Variants in ZNF280A observed in about 807,000 individuals in gnomAD.
ZNF280A encodes the protein zinc finger protein 280A.
In ZNF280A, 26 loss-of-function variants were observed where a neutral mutation model predicts 35.9. The ratio of observed to expected loss-of-function variants is 0.72; its 90% CI spans 0.53 to 1.01. ZNF280A has a LOEUF of 1.01. ZNF280A is among the 50% of genes least tolerant of loss of function. The probability of loss-of-function intolerance (pLI) is 0.00; values close to 1 mark genes in which losing one functional copy is unlikely to be tolerated. For missense variants in ZNF280A, 654 were observed against 652.0 expected, an observed-to-expected ratio of 1.00 and a Z score of -0.03; for synonymous variants, 231 against 232.9, an observed-to-expected ratio of 0.99 and a Z score of 0.07.
intron 1 of ZNF280A, among the ~76,000 whole-genome samples, chr22:22,518,652 G>A (rs1042916632): frequency 1.3e-5 from 2 of 151,590 alleles, no homozygotes; most frequent in African/African-American, 4.8e-5. Context: ...GCCAGGCATG[G>A]TAGCAGATGC....
chr22:22,515,076 A>G lies in ZNF280A; in HGVS notation c.555T>C (p.Asp185=). The G allele has an allele frequency of 1.9e-6, 3 of 1,613,922 alleles. No individual in the cohort carries two copies. The highest frequency in any genetic ancestry group is 1.7e-5 in the Admixed American group (1 of 60,002). The stretch of plus-strand genomic sequence containing the variant: ...CTAAAGAAGGTACCCCTGGGATTCC[A>G]TCCCTGAGTTTAACCCTTTTGGAAT... ...SRDSKRVKLR[D]GIPGVPSLAV... Residue 185 remains aspartate (D), a synonymous_variant, in exon 2 of 2, where the codon GAT becomes GAC. Transcript: ENST00000302097.
In ZNF280A at chr22:22,514,268, TG is replaced by T. The variant is rs567384587; in HGVS notation, c.1362del (p.Lys455SerfsTer7). 1,705 of 1,613,922 alleles carry T rather than the reference TG, an allele frequency of 1.1e-3. No individual in the cohort carries two copies. Among genetic ancestry groups the T allele is most frequent in the Admixed American group, 1.4e-3 (84 of 59,992 alleles). ...AACGTCAAAAACTGTAGCCGGCACT[TG>T]GAACACTGAAGGACCCTCCTTCTGC... ...RHSRRRVLQCSKCRLQFLTLK... is the reference protein window; with the variant it reads ...RHSRRRVLQCXKCRLQFLTLK... On this transcript the variant is annotated frameshift_variant, in exon 2 of 2. Coordinates refer to ENST00000302097, the MANE Select transcript of ZNF280A (RefSeq NM_080740.5). LOFTEE classifies it high-confidence loss of function.
At position 22,515,394 on chromosome 22, in the gene ZNF280A, G is replaced by C; in HGVS notation, c.237C>G (p.Phe79Leu). The change falls in exon 2 of 2, where the codon TTC becomes TTG. Residue 79 changes from phenylalanine to leucine, a missense_variant. Phe to Leu is a conservative substitution (Grantham distance 22). Transcript: ENST00000302097. ...GSNSRRKKGH[F>L]RQYPAHVSQP... ...GCGACACGTGAGCAGGATATTGACG[G>C]AAGTGGCCTTTCTTTCTTCTTGAAT... The C allele has an allele frequency of 6.2e-7, 1 of 1,613,800 alleles. No individual in the cohort carries two copies. The highest frequency in any genetic ancestry group is 8.5e-7 in the Non-Finnish European group (1 of 1,179,970).
Position 22,515,012 on chromosome 22 carries a change from T to G in ZNF280A, c.619A>C (p.Asn207His). 1.2e-6 allele frequency: 2 copies of G among 1,613,940 alleles called. No individual in the cohort carries two copies. Among genetic ancestry groups the G allele is most frequent in the Admixed American group, 1.7e-5 (1 of 60,002 alleles). The change falls in exon 2 of 2, where the codon AAT becomes CAT. Residue 207 changes from asparagine to histidine, a missense_variant. Physicochemically the swap from Asn to His is moderately conservative, Grantham distance 68. Coordinates refer to ENST00000302097, the MANE Select transcript of ZNF280A (RefSeq NM_080740.5). Reference protein sequence around the residue: ...PSDMSSTISTNTPSQGICNSS... With the variant: ...PSDMSSTISTHTPSQGICNSS... ...TTGCAGATCCCCTGTGAGGGTGTAT[T>G]TGTGCTTATTGTAGAAGACATATCT...
In ZNF280A at chr22:22,514,628, T is replaced by A; in HGVS notation, c.1003A>T (p.Thr335Ser). The change falls in exon 2 of 2, where the codon ACC becomes TCC. Residue 335 changes from threonine (T) to serine (S), a missense_variant. Physicochemically the swap from Thr to Ser is moderately conservative, Grantham distance 58. Transcript: ENST00000302097. ...AACTGCCGGTGGCAGTGCTGGCAGG[T>A]GGTGTGGTCTTCCCAGCTGTCGTTC... Reference protein sequence around the residue: ...QRNDSWEDHTTCQHCHRQFPT... With the variant: ...QRNDSWEDHTSCQHCHRQFPT... 6.2e-7 allele frequency: 1 copy of A among 1,613,654 alleles called. No individual in the cohort carries two copies.
Position 22,514,496 on chromosome 22 carries a change from G to A in ZNF280A, c.1135C>T (p.Leu379Phe), listed in dbSNP as rs2146893377. Residue 379 changes from leucine (L) to phenylalanine (F), a missense_variant, in exon 2 of 2, where the codon CTC becomes TTC. By Grantham distance (22) the Leu-to-Phe change is conservative (BLOSUM62 0). Coordinates refer to ENST00000302097, the MANE Select transcript of ZNF280A (RefSeq NM_080740.5). ...TGATGGTCCTTCATGTGTTGTAAGA[G>A]GACCTGATCTGTTTCAAATGACAAT... ...CELSFETDQV[L>F]LQHMKDHHKP... The A allele has an allele frequency of 1.2e-6, 2 of 1,613,914 alleles. No individual in the cohort carries two copies. Among genetic ancestry groups the A allele is most frequent in the Non-Finnish European group, 1.7e-6 (2 of 1,179,990 alleles).
In ZNF280A at chr22:22,514,559, T is replaced by C; in HGVS notation, c.1072A>G (p.Ile358Val). The C allele has an allele frequency of 6.2e-7, 1 of 1,613,954 alleles. No individual in the cohort carries two copies. The highest frequency in any genetic ancestry group is 8.5e-7 in the Non-Finnish European group (1 of 1,179,990). ...CAGACAGCAGAGGGCCCCATGGCGATGTGTACACTATCAATGTGACACTGT... is the reference window on the plus strand; with the variant it reads ...CAGACAGCAGAGGGCCCCATGGCGACGTGTACACTATCAATGTGACACTGT... The part of the protein sequence containing the change: ...QLQCHIDSVH[I>V]AMGPSAVCKI... Residue 358 changes from isoleucine (I) to valine (V), a missense_variant, in exon 2 of 2, where the codon ATC (isoleucine) becomes GTC (valine). By Grantham distance (29) the Ile-to-Val change is conservative. Transcript: ENST00000302097.
rs1482653984 is a variant in ZNF280A, at chr22:22,520,083, G to A, written c.-72+6C>T. 1 of 151,954 alleles carries A rather than the reference G, an allele frequency of 6.6e-6. No homozygotes were observed. The highest frequency in any genetic ancestry group is 2.4e-5 in the African/African-American group (1 of 41,378). The allele number at this position is 151,954 out of a possible 1,614,324, so 9.4% of individuals were successfully genotyped here. On this transcript the variant is annotated splice_donor_region_variant and intron_variant, in intron 1 of 1. Coordinates refer to ENST00000302097, the MANE Select transcript of ZNF280A (RefSeq NM_080740.5). Reference sequence around the variant, plus strand: ...AAAATGAAAGATAGCAAATTTCTCAGCTCACCAGTTCCTAAAGTTGCGAGT... The same window carrying A: ...AAAATGAAAGATAGCAAATTTCTCAACTCACCAGTTCCTAAAGTTGCGAGT...
intron 1 of ZNF280A, among the ~76,000 whole-genome samples, chr22:22,518,051 G>A (rs1157662535): frequency 1.2e-4 from 18 of 151,076 alleles, no homozygotes; most frequent in African/African-American, 4.1e-4. Context: ...TCAGTCTCCC[G>A]CGTAGCTGGG....
At chr22:22,519,214 A>C (rs2062110949) in intron 1 of ZNF280A, among the ~76,000 whole-genome samples, 1 of 151,846 alleles carries the variant, frequency 6.6e-6, no homozygotes, top group Non-Finnish European at 1.5e-5. Context: ...TGGGTGGATC[A>C]CCTGAGGTCA....
chr22:22,514,229 C>T lies in ZNF280A; in HGVS notation c.1402G>A (p.Glu468Lys). 1 of 1,613,772 alleles carries T rather than the reference C, an allele frequency of 6.2e-7. No homozygotes were observed. Among genetic ancestry groups the T allele is most frequent in the Non-Finnish European group, 8.5e-7 (1 of 1,179,960 alleles). The change falls in exon 2 of 2, where the codon GAG (glutamate) becomes AAG (lysine). Residue 468 changes from glutamate (E) to lysine (K), a missense_variant. By Grantham distance (56) the Glu-to-Lys change is moderately conservative. Transcript: ENST00000302097. The part of the protein sequence containing the change: ...LQFLTLKEEI[E>K]HKTKDHQTFK... ...GTTTGATGGTCCTTGGTTTTGTGCTCTATTTCCTCCTTCAACGTCAAAAAC... is the reference window on the plus strand; with the variant it reads ...GTTTGATGGTCCTTGGTTTTGTGCTTTATTTCCTCCTTCAACGTCAAAAAC...
intron 1 of ZNF280A, among the ~76,000 whole-genome samples, chr22:22,518,231 T>C (rs1298981193): frequency 1.3e-5 from 2 of 151,792 alleles, no homozygotes; most frequent in Non-Finnish European, 2.9e-5. Context: ...GGCCAATTGA[T>C]GGCATCTTAT....
At chr22:22,518,087 G>A (rs1482907046) in intron 1 of ZNF280A, among the ~76,000 whole-genome samples, 2 of 151,826 alleles carry the variant, frequency 1.3e-5, no homozygotes, top group Non-Finnish European at 1.5e-5. Context: ...CACCTCGCCC[G>A]GCTAATTTTT....
intron 1 of ZNF280A, 31 bp from the exon 2 acceptor site, chr22:22,515,732 T>C (rs1443652135): frequency 1.3e-6 from 2 of 1,492,324 alleles, no homozygotes; most frequent in Non-Finnish European, 8.9e-7. Context: ...ATAGTCAATA[T>C]TTATTTCGAA....
In ZNF280A at chr22:22,515,415, T is replaced by C. The variant is rs753938022; in HGVS notation, c.216A>G (p.Ser72=). The C allele has an allele frequency of 1.2e-6, 2 of 1,613,808 alleles. No individual in the cohort carries two copies. The highest frequency in any genetic ancestry group is 8.5e-7 in the Non-Finnish European group (1 of 1,179,970). ...ILNRVTPGSN[S]RRKKGHFRQY... ...GACGGAAGTGGCCTTTCTTTCTTCT[T>C]GAATTTGAGCCTGGGGTGACTCTGT... Residue 72 remains serine (S), a synonymous_variant, in exon 2 of 2, where the codon TCA becomes TCG. Transcript: ENST00000302097.
At chr22:22,518,053 G>C (rs1035752045) in intron 1 of ZNF280A, among the ~76,000 whole-genome samples, 17 of 151,706 alleles carry the variant, frequency 1.1e-4, no homozygotes, top group Non-Finnish European at 2.1e-4. Flanking sequence ...AGTCTCCCGC[G>C]TAGCTGGGAC....
chr22:22,514,126 G>A lies in ZNF280A; in HGVS notation c.1505C>T (p.Ser502Leu), dbSNP rs1364571986. 2 of 1,613,950 alleles carry A rather than the reference G, an allele frequency of 1.2e-6. No individual in the cohort carries two copies. The highest frequency in any genetic ancestry group is 1.7e-5 in the Admixed American group (1 of 60,000). Reference protein sequence around the residue: ...VIIQTSVQPGSSGMASVIVSN... With the variant: ...VIIQTSVQPGLSGMASVIVSN... ...AACAATAACGGAAGCCATACCACTT[G>A]ATCCTGGCTGAACTGAAGTTTGAAT... The change falls in exon 2 of 2, where the codon TCA becomes TTA. Residue 502 changes from serine to leucine, a missense_variant. Ser to Leu is a moderately radical substitution (Grantham distance 145). Coordinates refer to ENST00000302097, the MANE Select transcript of ZNF280A (RefSeq NM_080740.5).
intron 1 of ZNF280A, 116 bp from the exon 2 acceptor site, chr22:22,515,817 A>G: frequency 1.0e-6 from 1 of 972,914 alleles, no homozygotes; most frequent in Non-Finnish European, 1.4e-6. Flanking sequence ...TTTACACGTC[A>G]GAAATGAGGC....
At chr22:22,516,674 C>A (rs2062075407) in intron 1 of ZNF280A, among the ~76,000 whole-genome samples, 1 of 151,910 alleles carries the variant, frequency 6.6e-6, no homozygotes. Context: ...ATAGGAAATA[C>A]CAGCAAACTT....
Sources: gnomAD v4.1 joint callset for allele counts (sites outside exome capture counted in the v4.1 genomes callset) on GRCh38, gnomAD v4.1.1 for gene constraint, MANE v1.5 for transcripts, NCBI Gene and HGNC (gene_info 2026-07-23, HGNC 2026-07-21) for gene names.